The following STPG2 variants were observed in gnomAD, a reference collection of about 807,000 sequenced individuals.
STPG2 encodes the protein sperm tail PG-rich repeat containing 2.
A neutral mutation model predicts 54.2 loss-of-function variants in STPG2; 56 were observed. The ratio of observed to expected loss-of-function variants is 1.03; its 90% CI spans 0.83 to 1.29. The LOEUF (loss-of-function observed/expected upper bound fraction) is 1.29, where lower values mean the gene tolerates loss of function less well. Among genes scored for constraint, STPG2 ranks in the 50% most tolerant of loss-of-function variants. The probability of loss-of-function intolerance (pLI) is 0.00; values close to 1 mark genes in which losing one functional copy is unlikely to be tolerated. For missense variants in STPG2, 596 were observed against 544.9 expected, an observed-to-expected ratio of 1.09 and a Z score of -0.93; for synonymous variants, 200 against 181.8, an observed-to-expected ratio of 1.10 and a Z score of -0.81.
At position 97,668,614 on chromosome 4, in the gene STPG2, G is replaced by A. The variant is rs989217167; in HGVS notation, c.1320+44085C>T. Among the ~76,000 whole-genome samples the A allele has an allele frequency of 8.1e-5, 12 of 148,424 alleles. No individual in the cohort carries two copies. In the East Asian group the frequency reaches 8.3e-4, roughly 10 times the overall value. ...TAGTGGTCAACAGAAATGAGAACAC[G>A]GTCAAAGAATAAAGGAAGGAAGGAA... On this transcript the variant is annotated intron_variant, in intron 10 of 10. Coordinates refer to ENST00000295268, the MANE Select transcript of STPG2 (RefSeq NM_174952.3).
At chr4:97,691,555 C>G (rs1723366462) in intron 10 of STPG2, among the ~76,000 whole-genome samples, 1 of 152,068 alleles carries the variant, frequency 6.6e-6, no homozygotes, top group Non-Finnish European at 1.5e-5. Flanking sequence ...CTCAGACACA[C>G]CTAACCCTGC....
At chr4:97,653,037 T>C (rs1472412751) in intron 10 of STPG2, among the ~76,000 whole-genome samples, 2 of 151,908 alleles carry the variant, frequency 1.3e-5, no homozygotes, top group East Asian at 1.9e-4. Flanking sequence ...GTAGAGACCT[T>C]AGTAATAAGG....
intron 9 of STPG2, among the ~76,000 whole-genome samples, chr4:97,782,481 ATTG>A (rs1164726322): frequency 1.3e-5 from 2 of 152,148 alleles, no homozygotes; most frequent in Non-Finnish European, 2.9e-5. Context: ...AAGAATCAAT[ATTG>A]TGAAAATGGC....
intron 4 of STPG2, among the ~76,000 whole-genome samples, chr4:97,542,346 C>G (rs1248840594): frequency 6.6e-6 from 1 of 152,192 alleles, no homozygotes. Flanking sequence ...GACATTTATG[C>G]AGCCAACAGA....
At chr4:98,010,582 C>T (rs1735714654) in intron 5 of STPG2, among the ~76,000 whole-genome samples, 1 of 152,160 alleles carries the variant, frequency 6.6e-6, no homozygotes, top group Non-Finnish European at 1.5e-5. Context: ...TTGTTTCAAT[C>T]ATTCAGCCAC....
chr4:98,024,026 GCTGCACCCACTGTC>G (rs1186368795), intron 5 of STPG2, among the ~76,000 whole-genome samples: 58 of 152,142 alleles, frequency 3.8e-4, no homozygotes, highest in Middle Eastern at 3.4e-3. Flanking sequence ...CGCACAGTTC[GCTGCACCCACTGTC>G]CTGCACCCAC....
chr4:97,903,825 A>G (rs952757019), intron 8 of STPG2, among the ~76,000 whole-genome samples: 1 of 152,198 alleles, frequency 6.6e-6, no homozygotes, highest in African/African-American at 2.4e-5. Context: ...TCCTAGTCAA[A>G]AAAAGGGGTG....
At chr4:97,552,009 CA>C (rs1731977049) in intron 4 of STPG2, among the ~76,000 whole-genome samples, 1 of 151,980 alleles carries the variant, frequency 6.6e-6, no homozygotes, top group Non-Finnish European at 1.5e-5. Flanking sequence ...CAGTTCACTT[CA>C]AAAAGGGTTG....
intron 4 of STPG2, among the ~76,000 whole-genome samples, chr4:97,491,566 A>G (rs1213488191): frequency 6.6e-6 from 1 of 151,536 alleles, no homozygotes; most frequent in Admixed American, 6.6e-5. Context: ...TCTGAATAAT[A>G]AACAGGCATT....
At chr4:97,773,679 T>C (rs1726285580) in intron 9 of STPG2, among the ~76,000 whole-genome samples, 1 of 152,196 alleles carries the variant, frequency 6.6e-6, no homozygotes, top group Non-Finnish European at 1.5e-5. Flanking sequence ...TACTATACTG[T>C]ATTTATACTT....
chr4:98,081,194 T>C (rs774753215), intron 5 of STPG2, among the ~76,000 whole-genome samples: 1 of 152,218 alleles, frequency 6.6e-6, no homozygotes, highest in Non-Finnish European at 1.5e-5. Context: ...TTAAGTGTTC[T>C]AGATTAAAAG....
intron 5 of STPG2, among the ~76,000 whole-genome samples, chr4:98,026,904 A>T (rs1193777788): frequency 6.6e-6 from 1 of 152,148 alleles, no homozygotes; most frequent in African/African-American, 2.4e-5. Flanking sequence ...TAAGTAGTTG[A>T]CCATTTTTAA....
At chr4:97,883,779 G>A (rs1192640054) in intron 8 of STPG2, among the ~76,000 whole-genome samples, 2 of 152,194 alleles carry the variant, frequency 1.3e-5, no homozygotes, top group African/African-American at 4.8e-5. Context: ...TAATACTCAT[G>A]TAATTGAAAT....
intron 4 of STPG2, among the ~76,000 whole-genome samples, chr4:97,550,323 T>G (rs1731936067): frequency 6.6e-6 from 1 of 152,050 alleles, no homozygotes; most frequent in Non-Finnish European, 1.5e-5. Context: ...GTTTGTAATC[T>G]AGTAGGGCAA....
In STPG2 at chr4:97,872,637, G is replaced by T. The variant is rs150144922; in HGVS notation, c.1045-31705C>A. Among the ~76,000 whole-genome samples, 23 of 151,300 alleles carry T rather than the reference G, an allele frequency of 1.5e-4. 1 individual carries two copies. In the Middle Eastern group the frequency reaches 0.01, roughly 68 times the overall value. On this transcript the variant is annotated intron_variant, in intron 8 of 10. Coordinates refer to ENST00000295268, the MANE Select transcript of STPG2 (RefSeq NM_174952.3). ...AAAATTAGATTTCAAAATATGGAAA[G>T]ATATCTTTAATCTGTATAAAATGAA...
chr4:97,953,033 G>A (rs559328366), intron 7 of STPG2, among the ~76,000 whole-genome samples: 15 of 152,208 alleles, frequency 9.9e-5, no homozygotes, highest in African/African-American at 2.2e-4. Flanking sequence ...TCAGGTGACG[G>A]GCAGAGCTAT....
intron 9 of STPG2, among the ~76,000 whole-genome samples, chr4:97,761,509 A>G (rs1725889172): frequency 6.6e-6 from 1 of 152,154 alleles, no homozygotes; most frequent in African/African-American, 2.4e-5. Flanking sequence ...TTGGTTGAAG[A>G]CTTCTTGCCT....
chr4:97,499,754 C>T (rs1730684836), intron 4 of STPG2, among the ~76,000 whole-genome samples: 1 of 151,776 alleles, frequency 6.6e-6, no homozygotes, highest in Non-Finnish European at 1.5e-5. Context: ...AGAGAATGAA[C>T]CATGTAGATA....
intron 1 of STPG2, among the ~76,000 whole-genome samples, chr4:98,140,197 G>C (rs1315929037): frequency 6.6e-6 from 1 of 152,186 alleles, no homozygotes; most frequent in East Asian, 1.9e-4. Flanking sequence ...ACAGAGGTGA[G>C]TGAGCATGAA....
Sources: allele counts gnomAD v4.1 joint callset (sites outside exome capture counted in the v4.1 genomes callset), GRCh38; gene constraint gnomAD v4.1.1; transcripts MANE v1.5; gene names NCBI Gene and HGNC (gene_info 2026-07-23, HGNC 2026-07-21).